The following MYO9A variants were observed in gnomAD, a reference collection of about 807,000 sequenced individuals.
The protein encoded by MYO9A is myosin IXA, also known as unconventional myosin-IXa.
In MYO9A, 103 loss-of-function variants were observed where a neutral mutation model predicts 293.3. That is an observed-to-expected ratio of 0.35 (90% confidence interval 0.30 to 0.41). The LOEUF (loss-of-function observed/expected upper bound fraction) is 0.41. MYO9A is among the 10% of genes least tolerant of loss of function. The pLI, the probability that MYO9A is intolerant of heterozygous loss-of-function variation, is 1.00. For missense variants in MYO9A, 2,685 were observed against 3,033.0 expected (o/e 0.89, Z 2.69); for synonymous variants, 1,001 against 1,035.7 (o/e 0.97, Z 0.64).
At position 72,118,109 on chromosome 15, in the gene MYO9A, C is replaced by T; in HGVS notation, c.-501G>A. ...CCCCGACCCCGCGCACGCGGCCCCG[C>T]CCCGCGCGACTCCCCGGCTGCAGGC... On this transcript the variant is annotated 5_prime_UTR_variant, in exon 1 of 42. Coordinates refer to ENST00000356056, the MANE Select transcript of MYO9A (RefSeq NM_006901.4). 2.6e-6 allele frequency: 1 copy of T among 389,388 alleles called. No individual in the cohort carries two copies. The highest frequency in any genetic ancestry group is 4.5e-6 in the Non-Finnish European group (1 of 220,228). The allele number at this position is 389,388 out of a possible 1,614,324, so 24.1% of individuals were successfully genotyped here.
chr15:71,851,429 T>C, intron 36 of MYO9A, 71 bp from the exon 37 acceptor site: 1 of 1,239,442 alleles, frequency 8.1e-7, no homozygotes, highest in South Asian at 1.5e-5. Context: ...TCCCAGACAC[T>C]ATGAAGCAAA....
intron 25 of MYO9A, among the ~76,000 whole-genome samples, chr15:71,894,269 C>CT (rs1272934025): frequency 6.6e-6 from 1 of 152,120 alleles, no homozygotes; most frequent in Non-Finnish European, 1.5e-5. Flanking sequence ...CATCCACTGT[C>CT]TTTGAGTTTT....
At chr15:71,888,526 T>C (rs996552792) in intron 26 of MYO9A, 2 of 152,992 alleles carry the variant, frequency 1.3e-5, no homozygotes, top group African/African-American at 4.8e-5. Flanking sequence ...TTATAAGTTC[T>C]TCATATATCT....
In MYO9A at chr15:71,949,304, G is replaced by A. The variant is rs1249457192; in HGVS notation, c.2302+2473C>T. On this transcript the variant is annotated intron_variant, in intron 15 of 41. Coordinates refer to ENST00000356056, the MANE Select transcript of MYO9A (RefSeq NM_006901.4). ...TGCAACCTCTGCCTCCCAGGTTCAAGCAATTCTTGTGCTTCAGCCACACGA... is the reference window on the plus strand; with the variant it reads ...TGCAACCTCTGCCTCCCAGGTTCAAACAATTCTTGTGCTTCAGCCACACGA... 2.6e-5 allele frequency among the ~76,000 whole-genome samples: 4 copies of A among 152,162 alleles called. No homozygotes were observed. The East Asian group carries it at 7.7e-4, about 29-fold the overall frequency.
chr15:71,993,182 T>C (rs536042898), intron 10 of MYO9A, among the ~76,000 whole-genome samples: 4 of 151,908 alleles, frequency 2.6e-5, no homozygotes, highest in South Asian at 2.1e-4. Flanking sequence ...GAAACCCATC[T>C]CAACTAAAAA....
intron 1 of MYO9A, among the ~76,000 whole-genome samples, chr15:72,109,028 G>A (rs1052887262): frequency 2.0e-5 from 3 of 152,104 alleles, no homozygotes; most frequent in African/African-American, 7.2e-5. Context: ...TTTCCAAAGT[G>A]CTGGGGTTAC....
chr15:72,070,465 A>C (rs539831442), intron 1 of MYO9A, among the ~76,000 whole-genome samples: 1 of 152,050 alleles, frequency 6.6e-6, no homozygotes, highest in Non-Finnish European at 1.5e-5. Context: ...AAAAAAAAAA[A>C]AAAGAATGAG....
Position 72,046,476 on chromosome 15 carries a change from T to C in MYO9A, c.88A>G (p.Ile30Val), listed in dbSNP as rs763571417. 4 of 1,614,220 alleles carry C rather than the reference T, an allele frequency of 2.5e-6. No individual in the cohort carries two copies. The highest frequency in any genetic ancestry group is 2.2e-5 in the East Asian group (1 of 44,892). ...IYPGAISEGT[I>V]YCPIPARKNS... ...TTTCTGGCAGGAATCGGACAGTAGA[T>C]TGTCCCTTCTGAAATAGCCCCAGGA... The change falls in exon 2 of 42, where the codon ATC becomes GTC. Residue 30 changes from isoleucine to valine, a missense_variant. Physicochemically the swap from Ile to Val is conservative, Grantham distance 29. Around this residue, in one of 10 missense-constraint regions of MYO9A, gnomAD observed 67 missense variants for 63.2 expected, o/e 1.06. Transcript: ENST00000356056.
At chr15:72,089,011 A>G (rs992657455) in intron 1 of MYO9A, among the ~76,000 whole-genome samples, 1 of 152,238 alleles carries the variant, frequency 6.6e-6, no homozygotes, top group African/African-American at 2.4e-5. Flanking sequence ...CAGAAAACAG[A>G]GTATCCCTTA....
At chr15:72,001,957 G>A (rs2076878199) in intron 8 of MYO9A, among the ~76,000 whole-genome samples, 1 of 152,146 alleles carries the variant, frequency 6.6e-6, no homozygotes, top group Non-Finnish European at 1.5e-5. Flanking sequence ...ATATTGTGAG[G>A]TATATTGCTG....
At chr15:72,011,799 T>G (rs1201741123) in intron 6 of MYO9A, among the ~76,000 whole-genome samples, 1 of 152,212 alleles carries the variant, frequency 6.6e-6, no homozygotes, top group Non-Finnish European at 1.5e-5. Context: ...CATTTACATT[T>G]TTAATGCCTA....
intron 26 of MYO9A, chr15:71,890,419 A>C (rs2057142292): frequency 6.6e-6 from 1 of 152,206 alleles, no homozygotes; most frequent in Non-Finnish European, 1.5e-5. Flanking sequence ...AGAAAAGTAT[A>C]ATGTTTCCTA....
At chr15:71,867,917 G>A (rs1473444628) in intron 32 of MYO9A, among the ~76,000 whole-genome samples, 1 of 151,762 alleles carries the variant, frequency 6.6e-6, no homozygotes, top group Non-Finnish European at 1.5e-5. Flanking sequence ...GGTAAGGAAT[G>A]GTAGCCAGTT....
chr15:71,968,239 T>C, intron 12 of MYO9A, 114 bp from the exon 13 acceptor site: 1 of 859,570 alleles, frequency 1.2e-6, no homozygotes, highest in Non-Finnish European at 1.6e-6. Context: ...ACATAGCAGT[T>C]TACAAAAGTT....
At chr15:71,850,271 A>G in intron 37 of MYO9A, 104 bp from the exon 38 acceptor site, 2 of 1,311,676 alleles carry the variant, frequency 1.5e-6, no homozygotes, top group Non-Finnish European at 2.2e-6. Context: ...GTATGACATG[A>G]ACTGCATAGT....
At chr15:71,870,452 G>A (rs962114460) in intron 32 of MYO9A, among the ~76,000 whole-genome samples, 1 of 152,036 alleles carries the variant, frequency 6.6e-6, no homozygotes. Flanking sequence ...GTATATAGGG[G>A]TATACATGTA....
At chr15:72,056,193 G>C (rs2078713122) in intron 1 of MYO9A, among the ~76,000 whole-genome samples, 1 of 152,150 alleles carries the variant, frequency 6.6e-6, no homozygotes, top group Non-Finnish European at 1.5e-5. Flanking sequence ...ATGCCACTGT[G>C]CTCCAACCTG....
chr15:72,031,282 C>A (rs150850024), intron 3 of MYO9A, among the ~76,000 whole-genome samples: 1,937 of 152,002 alleles, frequency 0.013, 28 homozygotes, highest in African/African-American at 0.02. Flanking sequence ...TGCCTGAAAT[C>A]CAAGATTAGC....
rs1266287793 is a variant in MYO9A, at chr15:71,827,944, T to C, written c.7123A>G (p.Thr2375Ala). The C allele has an allele frequency of 6.2e-7, 1 of 1,613,882 alleles. No homozygotes were observed. Among genetic ancestry groups the C allele is most frequent in the Non-Finnish European group, 8.5e-7 (1 of 1,179,816 alleles). Reference protein sequence around the residue: ...ETLESEASIGTADSSENLNME... With the variant: ...ETLESEASIGAADSSENLNME... ...TTCAAATTCTCTGAGCTATCAGCAG[T>C]CCCAATGGAGGCCTCAGACTCAAGG... Residue 2375 changes from threonine (T) to alanine (A), a missense_variant, in exon 41 of 42, where the codon ACT becomes GCT. By Grantham distance (58) the Thr-to-Ala change is moderately conservative. This residue lies in a region of MYO9A where 350 missense variants were observed against 328.9 expected (regional missense o/e 1.06). Coordinates refer to ENST00000356056, the MANE Select transcript of MYO9A (RefSeq NM_006901.4).
Sources: gnomAD v4.1 joint callset for allele counts (sites outside exome capture counted in the v4.1 genomes callset) on GRCh38, gnomAD v4.1.1 for gene constraint, gnomAD v4.1.1 regional missense constraint, MANE v1.5 for transcripts, NCBI Gene and HGNC (gene_info 2026-07-23, HGNC 2026-07-21) for gene names.